Variants in PAH observed in about 807,000 individuals in gnomAD.
PAH encodes phenylalanine-4-hydroxylase.
Under a neutral mutation model 62.0 loss-of-function variants are expected in PAH, and 64 were observed. The observed-to-expected ratio is 1.03, with a 90% CI of 0.84 to 1.27. PAH has a LOEUF of 1.27. Ranked by LOEUF, PAH falls within the 50% of genes most tolerant of loss-of-function variation. The pLI, the probability that PAH is intolerant of heterozygous loss-of-function variation, is 0.00. For synonymous variants in PAH, 195 were observed against 196.2 expected (o/e 0.99, Z 0.05); for missense variants, 579 against 542.8 (o/e 1.07, Z -0.66).
intron 8 of PAH, among the ~76,000 whole-genome samples, chr12:102,848,295 T>G (rs1344802667): frequency 1.2e-4 from 14 of 113,432 alleles, no homozygotes; most frequent in South Asian, 2.6e-4. Flanking sequence ...AGAGGTTAAG[T>G]GTAGACAGGA....
rs62642935 is a variant in PAH, at chr12:102,846,938, G to A, written c.926C>T (p.Ala309Val). The A allele has an allele frequency of 2.3e-5, 37 of 1,613,432 alleles. No individual in the cohort carries two copies. The highest frequency in any genetic ancestry group is 3.0e-5 in the Non-Finnish European group (35 of 1,179,598). The change falls in exon 9 of 13, where the codon GCC becomes GTC. Residue 309 changes from alanine (A) to valine (V), a missense_variant. Coordinates refer to ENST00000553106, the MANE Select transcript of PAH (RefSeq NM_000277.3). The part of the protein sequence containing the change: ...FAQFSQEIGL[A>V]SLGAPDEYIE... ...GTATTCATCAGGTGCACCCAGAGAG[G>A]CAAGGCCAATTTCCTGTAATTGGGG...
chr12:102,909,874 G>T (rs1592987289), intron 2 of PAH, among the ~76,000 whole-genome samples: 1 of 152,134 alleles, frequency 6.6e-6, no homozygotes. Flanking sequence ...CATGAGAATC[G>T]CCTGAACCTG....
intron 11 of PAH, 86 bp from the exon 12 acceptor site, chr12:102,840,601 T>G: frequency 2.1e-6 from 2 of 939,432 alleles, no homozygotes. Context: ...TTTTACTTCT[T>G]TTTTAGGAAC....
At chr12:102,841,143 T>C (rs1592946017) in intron 11 of PAH, among the ~76,000 whole-genome samples, 1 of 152,138 alleles carries the variant, frequency 6.6e-6, no homozygotes, top group Non-Finnish European at 1.5e-5. Flanking sequence ...ACTAAGGCCA[T>C]ACTGTCAGTA....
intron 9 of PAH, 40 bp downstream of exon 9, chr12:102,846,855 A>G (rs1874867308): frequency 1.9e-6 from 3 of 1,557,106 alleles, no homozygotes; most frequent in East Asian, 4.5e-5. Flanking sequence ...GCCATAGCCT[A>G]TAGCACTCCA....
intron 2 of PAH, among the ~76,000 whole-genome samples, chr12:102,912,517 T>G (rs1275739815): frequency 4.6e-5 from 7 of 152,128 alleles, no homozygotes. Context: ...ACACATATGA[T>G]TAGGCATTTT....
intron 5 of PAH, 23 bp from the exon 6 acceptor site, chr12:102,855,355 G>T: frequency 6.2e-7 from 1 of 1,610,096 alleles, no homozygotes; most frequent in African/African-American, 1.3e-5. Context: ...CACAAAATAG[G>T]TGTCTCAAGC....
At chr12:102,918,579 TTTTG>T (rs1878477069), upstream of PAH, among the ~76,000 whole-genome samples, 1 of 151,878 alleles carries the variant, frequency 6.6e-6, no homozygotes. Context: ...TGTTTTTTTT[TTTTG>T]TTTTGTTTTT....
At chr12:102,921,023 T>G (rs1323464199), upstream of PAH, among the ~76,000 whole-genome samples, 1 of 152,160 alleles carries the variant, frequency 6.6e-6, no homozygotes, top group Non-Finnish European at 1.5e-5. Flanking sequence ...GGGTAGAAAT[T>G]TTCTGGGATA....
At chr12:102,894,610 G>A (rs1014153402) in intron 3 of PAH, 125 bp downstream of exon 3, 35 of 783,278 alleles carry the variant, frequency 4.5e-5, no homozygotes, top group African/African-American at 4.2e-4. Flanking sequence ...TTTTGCTTCC[G>A]CAAAATAACA....
Position 102,852,795 on chromosome 12 carries a change from A to G in PAH, c.842+20T>C, listed in dbSNP as rs1875214490. On this transcript the variant is annotated intron_variant, in intron 7 of 12. Coordinates refer to ENST00000553106, the MANE Select transcript of PAH (RefSeq NM_000277.3). ...GCGCTCATTGTGCCTGGCAACTGGT[A>G]GCTGGAGGACAGTACTCACGGTTCG... 2.5e-6 allele frequency: 4 copies of G among 1,613,832 alleles called. No individual in the cohort carries two copies. The Admixed American group carries it at 6.7e-5, about 27-fold the overall frequency.
In PAH at chr12:102,846,958, T is replaced by C. The variant is rs62517165; in HGVS notation, c.913-7A>G. On this transcript the variant is annotated splice_polypyrimidine_tract_variant and splice_region_variant and intron_variant, in intron 8 of 12. Coordinates refer to ENST00000553106, the MANE Select transcript of PAH (RefSeq NM_000277.3). ...GAGAGGCAAGGCCAATTTCCTGTAA[T>C]TGGGGGAAAATAGAACCTGTTCTGT... 1.7e-5 allele frequency: 28 copies of C among 1,612,694 alleles called. No homozygotes were observed. The highest frequency in any genetic ancestry group is 2.3e-5 in the Non-Finnish European group (27 of 1,178,924).
At chr12:102,885,892 T>C (rs1565862909) in intron 3 of PAH, among the ~76,000 whole-genome samples, 1 of 152,120 alleles carries the variant, frequency 6.6e-6, no homozygotes, top group African/African-American at 2.4e-5. Context: ...GGGTCTGAAA[T>C]AGAAGGCTGT....
chr12:102,934,023 A>C lies in PAH; in HGVS notation c.-96+16566T>G, dbSNP rs184946409. On this transcript the variant is annotated intron_variant, in intron 1 of 3. Coordinates refer to the PAH transcript ENST00000546844. ...ACTCAAGAGATCTTTGCCCAGTTCA[A>C]TGTTCTGAAGAGTTTCCCCAATGTT... 1.3e-3 allele frequency among the ~76,000 whole-genome samples: 203 copies of C among 152,156 alleles called. 5 individuals are homozygous for C. Among genetic ancestry groups the C allele is most frequent in the Admixed American group, 0.011 (170 of 15,266 alleles).
chr12:102,918,458 C>T (rs9804733), upstream of PAH, among the ~76,000 whole-genome samples: 59,910 of 151,234 alleles, frequency 0.4, 13,024 homozygotes, highest in African/African-American at 0.57. Context: ...AATAAATAAA[C>T]AAATAAATAA....
At chr12:102,908,434 AGG>A (rs1565871784) in intron 2 of PAH, among the ~76,000 whole-genome samples, 1 of 152,224 alleles carries the variant, frequency 6.6e-6, no homozygotes, top group Non-Finnish European at 1.5e-5. Context: ...AAAGTTACAT[AGG>A]TGCATTTTAC....
chr12:102,937,563 C>T (rs750826697), intron 1 of PAH, among the ~76,000 whole-genome samples: 44 of 152,120 alleles, frequency 2.9e-4, no homozygotes, highest in Non-Finnish European at 5.6e-4. Context: ...TACACTTTAA[C>T]TTTGTTGCCC....
chr12:102,918,106 TAA>T (rs1432180468), upstream of PAH, among the ~76,000 whole-genome samples: 1 of 152,214 alleles, frequency 6.6e-6, no homozygotes, highest in East Asian at 1.9e-4. Flanking sequence ...TAGGTAGGGC[TAA>T]GTCTTTTGAA....
Position 102,853,039 on chromosome 12 carries a change from T to A in PAH, c.707-89A>T, listed in dbSNP as rs1875254282. ...CCTTTAGGTAGTGGAGTAGTACACA[T>A]AACTGCCCAGGGACATAGGCTTTGA... On this transcript the variant is annotated intron_variant, in intron 6 of 12. Transcript: ENST00000553106. The A allele has an allele frequency of 2.1e-6, 3 of 1,410,146 alleles. No homozygotes were observed. The African/African-American group carries it at 4.2e-5, about 20-fold the overall frequency. The allele number at this position is 1,410,146 out of a possible 1,614,324, so 87.4% of individuals were successfully genotyped here.
Sources: gnomAD v4.1 joint callset for allele counts (sites outside exome capture counted in the v4.1 genomes callset) on GRCh38, gnomAD v4.1.1 for gene constraint, MANE v1.5 for transcripts, NCBI Gene and HGNC (gene_info 2026-07-23, HGNC 2026-07-21) for gene names.